The following EPC2 variants were observed in gnomAD, a reference collection of about 807,000 sequenced individuals.
EPC2 encodes the protein enhancer of polycomb homolog 2.
Under a neutral mutation model 92.1 loss-of-function variants are expected in EPC2, and 14 were observed. That is an observed-to-expected ratio of 0.15 (90% CI 0.10 to 0.24). The LOEUF is 0.24. Among genes scored for constraint, EPC2 ranks in the 10% least tolerant of loss-of-function variants. The pLI, the probability that EPC2 is intolerant of heterozygous loss-of-function variation, is 1.00. For synonymous variants in EPC2, 340 were observed against 334.7 expected (o/e 1.02, Z -0.17); for missense variants, 755 against 971.5 (o/e 0.78, Z 2.96).
intron 1 of EPC2, among the ~76,000 whole-genome samples, chr2:148,655,809 A>G (rs1344471152): frequency 6.6e-6 from 1 of 152,140 alleles, no homozygotes; most frequent in Non-Finnish European, 1.5e-5. Flanking sequence ...CCATTACTAT[A>G]CAGGAGATGG....
At chr2:148,785,066 CTT>C (rs35861052) in intron 13 of EPC2, 65 bp downstream of exon 13, 45 of 1,320,862 alleles carry the variant, frequency 3.4e-5, no homozygotes, top group Non-Finnish European at 7.0e-6. Context: ...AAGAAAAAGA[CTT>C]TTTTTTACAC....
At chr2:148,713,526 T>G (rs955121413) in intron 2 of EPC2, among the ~76,000 whole-genome samples, 2 of 152,194 alleles carry the variant, frequency 1.3e-5, no homozygotes, top group African/African-American at 4.8e-5. Flanking sequence ...AAATTTTTTT[T>G]AAGTTTAGTG....
chr2:148,721,368 T>C (rs1332416461), intron 2 of EPC2, among the ~76,000 whole-genome samples: 1 of 152,090 alleles, frequency 6.6e-6, no homozygotes, highest in African/African-American at 2.4e-5. Flanking sequence ...TTTCACTCCA[T>C]GCTGTTCTTA....
chr2:148,758,316 C>T (rs1479791476), intron 4 of EPC2, among the ~76,000 whole-genome samples: 2 of 152,154 alleles, frequency 1.3e-5, no homozygotes, highest in East Asian at 1.9e-4. Context: ...AAAGTTAGAA[C>T]TAATGGATAT....
At position 148,744,970 on chromosome 2, in the gene EPC2, A is replaced by T. The variant is rs1031365136; in HGVS notation, c.459+1203A>T. On this transcript the variant is annotated intron_variant, in intron 3 of 13. Transcript: ENST00000258484. ...TTCCTTTGGCAAGTGACTTTGCTGCATATTTAGCCTATCAGTTTGCCCCCC... is the reference window on the plus strand; with the variant it reads ...TTCCTTTGGCAAGTGACTTTGCTGCTTATTTAGCCTATCAGTTTGCCCCCC... Among the ~76,000 whole-genome samples, 15 of 127,508 alleles carry T rather than the reference A, an allele frequency of 1.2e-4. No homozygotes were observed. In the East Asian group the frequency reaches 3.3e-3, roughly 28 times the overall value. 83.7% of individuals were successfully genotyped at this position (127,508 alleles called of 152,430 possible).
At chr2:148,758,189 A>G (rs1181153969) in intron 4 of EPC2, among the ~76,000 whole-genome samples, 1 of 152,118 alleles carries the variant, frequency 6.6e-6, no homozygotes, top group Non-Finnish European at 1.5e-5. Context: ...TGGATGGATG[A>G]ATAGACAGCA....
chr2:148,739,721 G>T (rs1477390075), intron 2 of EPC2, among the ~76,000 whole-genome samples: 3 of 151,808 alleles, frequency 2.0e-5, no homozygotes, highest in Non-Finnish European at 4.4e-5. Flanking sequence ...CTACTGCAAG[G>T]AACTTCTCAT....
intron 2 of EPC2, among the ~76,000 whole-genome samples, chr2:148,733,469 C>T (rs1574611168): frequency 2.0e-5 from 2 of 98,738 alleles, no homozygotes; most frequent in African/African-American, 3.8e-5. Flanking sequence ...TCTTTTCTTT[C>T]TCTCTCTGGA....
chr2:148,678,534 G>A (rs921842773), intron 1 of EPC2, among the ~76,000 whole-genome samples: 5 of 152,220 alleles, frequency 3.3e-5, no homozygotes, highest in African/African-American at 9.6e-5. Flanking sequence ...TGCAGGTCCC[G>A]AGCCCTGCCA....
At chr2:148,741,403 A>T (rs1040238265) in intron 2 of EPC2, among the ~76,000 whole-genome samples, 62 of 152,170 alleles carry the variant, frequency 4.1e-4, no homozygotes, top group Admixed American at 1.0e-3. Context: ...TTAAGCAATG[A>T]ACTGAAGTCT....
chr2:148,705,260 T>C (rs922668418), intron 2 of EPC2, among the ~76,000 whole-genome samples: 12 of 152,030 alleles, frequency 7.9e-5, no homozygotes, highest in African/African-American at 2.9e-4. Flanking sequence ...AGTAAGATGT[T>C]ATGTTTTATG....
intron 1 of EPC2, among the ~76,000 whole-genome samples, chr2:148,654,747 G>C (rs1368504374): frequency 6.6e-6 from 1 of 152,168 alleles, no homozygotes; most frequent in African/African-American, 2.4e-5. Flanking sequence ...TCTGTTTTCT[G>C]GCACAGCAGT....
intron 3 of EPC2, among the ~76,000 whole-genome samples, chr2:148,751,090 T>G (rs1409284763): frequency 2.0e-5 from 3 of 152,132 alleles, no homozygotes; most frequent in Non-Finnish European, 4.4e-5. Context: ...TCTTAAAGTT[T>G]TTTCCCTTAT....
At chr2:148,764,435 C>T (rs1400142188) in intron 6 of EPC2, among the ~76,000 whole-genome samples, 1 of 152,162 alleles carries the variant, frequency 6.6e-6, no homozygotes, top group African/African-American at 2.4e-5. Context: ...CAGAACGTTA[C>T]TGTTCAGTTG....
chr2:148,691,992 G>A (rs13411199), intron 2 of EPC2: 3 of 356,890 alleles, frequency 8.4e-6, no homozygotes, highest in Non-Finnish European at 1.1e-5. Flanking sequence ...AGATTTGATA[G>A]AATTCAATAA....
intron 1 of EPC2, among the ~76,000 whole-genome samples, chr2:148,685,383 A>G (rs952771434): frequency 1.3e-5 from 2 of 152,054 alleles, no homozygotes; most frequent in Non-Finnish European, 1.5e-5. Flanking sequence ...CAGATATTGT[A>G]GGTTTGGTTC....
chr2:148,776,609 C>T (rs929629931), intron 10 of EPC2, among the ~76,000 whole-genome samples: 2 of 152,164 alleles, frequency 1.3e-5, no homozygotes, highest in Admixed American at 1.3e-4. Context: ...CTATTCTAAC[C>T]CAGAGGATTT....
rs142092271 is a variant in EPC2 at position 148,693,792 on chromosome 2, C to G, written c.313+3419C>G. 6.3e-4 allele frequency among the ~76,000 whole-genome samples: 96 copies of G among 152,286 alleles called. 1 individual carries two copies. Among genetic ancestry groups the G allele is most frequent in the African/African-American group, 2.1e-3 (86 of 41,562 alleles). On this transcript the variant is annotated intron_variant, in intron 2 of 13. Transcript: ENST00000258484. ...TGTCTTCACATAGCCTTTTACTTCT[C>G]AACTTGTTAAAATACAACTTGCCTC... is the stretch of plus-strand genomic sequence containing the variant.
chr2:148,673,836 T>G (rs959429191), intron 1 of EPC2, among the ~76,000 whole-genome samples: 2 of 152,224 alleles, frequency 1.3e-5, no homozygotes, highest in African/African-American at 4.8e-5. Context: ...TCTGCTGGCC[T>G]TGGCCTCCCA....
Sources: allele counts gnomAD v4.1 joint callset (sites outside exome capture counted in the v4.1 genomes callset), GRCh38; gene constraint gnomAD v4.1.1; transcripts MANE v1.5; gene names NCBI Gene and HGNC (gene_info 2026-07-23, HGNC 2026-07-21).